Variants in TBC1D8 observed in about 807,000 individuals in gnomAD.
TBC1D8 encodes BUB2-like protein 1.
A neutral mutation model predicts 118.8 loss-of-function variants in TBC1D8; 65 were observed. That is an observed-to-expected ratio of 0.55 (90% CI 0.45 to 0.67). The LOEUF is 0.67. Ranked by LOEUF, TBC1D8 falls within the 30% of genes least tolerant of loss-of-function variation. TBC1D8 has a pLI of 0.00. For synonymous variants in TBC1D8, 566 were observed against 595.8 expected, an observed-to-expected ratio of 0.95 and a Z score of 0.73; for missense variants, 1,376 against 1,471.2, an observed-to-expected ratio of 0.94 and a Z score of 1.06.
rs144990163 is a variant in TBC1D8 at position 101,009,821 on chromosome 2, C to CATTTT, written c.3015+1107_3015+1108insAAAAT. The stretch of plus-strand genomic sequence containing the variant: ...TGACTTAAGTCCTATAAAAAAGGAG[C>CATTTT]TTTTTCTTTTTTTTTTTTGAGATGG... On this transcript the variant is annotated intron_variant, in intron 19 of 19. Coordinates refer to ENST00000409318, the MANE Select transcript of TBC1D8 (RefSeq NM_001330348.2). Among the ~76,000 whole-genome samples the CATTTT allele has an allele frequency of 3.7e-5, 5 of 134,192 alleles. 1 individual carries two copies. The highest frequency in any genetic ancestry group is 6.6e-5 in the Non-Finnish European group (4 of 60,872). The allele number at this position is 134,192 out of a possible 152,430, so 88.0% of individuals were successfully genotyped here. A position where few individuals can be genotyped will look rare whatever the true frequency, so the allele number is the denominator to read the frequency against.
intron 1 of TBC1D8, among the ~76,000 whole-genome samples, chr2:101,104,923 G>T (rs1055226032): frequency 4.0e-5 from 6 of 151,788 alleles, no homozygotes; most frequent in African/African-American, 1.5e-4. Flanking sequence ...CTGAATAGGA[G>T]GCTCAGGAGG....
intron 1 of TBC1D8, among the ~76,000 whole-genome samples, chr2:101,111,729 T>C (rs1677599059): frequency 6.6e-6 from 1 of 152,130 alleles, no homozygotes; most frequent in Non-Finnish European, 1.5e-5. Flanking sequence ...GAGAAATTGG[T>C]TTGAGTCTTC....
chr2:101,030,005 G>A, intron 11 of TBC1D8: 1 of 452,020 alleles, frequency 2.2e-6, no homozygotes, highest in Non-Finnish European at 3.9e-6. Flanking sequence ...GTGGCATGGG[G>A]GAAATAAAAA....
At chr2:101,056,735 C>G (rs888791089) in intron 3 of TBC1D8, among the ~76,000 whole-genome samples, 2 of 152,192 alleles carry the variant, frequency 1.3e-5, no homozygotes, top group African/African-American at 4.8e-5. Context: ...CCGGAGCAGA[C>G]AGGCAGCAGG....
At chr2:101,010,507 A>G (rs1257641138) in intron 19 of TBC1D8, among the ~76,000 whole-genome samples, 1 of 152,130 alleles carries the variant, frequency 6.6e-6, no homozygotes, top group African/African-American at 2.4e-5. Flanking sequence ...AGTATTTCCA[A>G]TTTAATCACT....
intron 2 of TBC1D8, among the ~76,000 whole-genome samples, chr2:101,065,885 G>A (rs1383384329): frequency 2.6e-5 from 4 of 152,110 alleles, no homozygotes; most frequent in Non-Finnish European, 4.4e-5. Flanking sequence ...AGAAGACACA[G>A]GAAAAACATG....
chr2:101,130,136 T>C (rs999310558), intron 1 of TBC1D8, among the ~76,000 whole-genome samples: 12 of 152,100 alleles, frequency 7.9e-5, no homozygotes, highest in East Asian at 1.9e-4. Context: ...GGTCCTGCCA[T>C]TGGGGTACTT....
chr2:101,030,601 A>T (rs1161337885), intron 11 of TBC1D8, among the ~76,000 whole-genome samples: 4 of 152,242 alleles, frequency 2.6e-5, no homozygotes, highest in African/African-American at 9.6e-5. Flanking sequence ...GAACACTGTG[A>T]GTTTCTTATT....
At chr2:101,138,203 C>T (rs1043936315) in intron 1 of TBC1D8, among the ~76,000 whole-genome samples, 2 of 152,202 alleles carry the variant, frequency 1.3e-5, no homozygotes. Flanking sequence ...GGCCCCACCT[C>T]CAACACTGGG....
At chr2:101,131,790 G>A (rs1460685039) in intron 1 of TBC1D8, among the ~76,000 whole-genome samples, 1 of 152,046 alleles carries the variant, frequency 6.6e-6, no homozygotes, top group Non-Finnish European at 1.5e-5. Flanking sequence ...ACTCCAGCCT[G>A]GGCGACAGAG....
intron 6 of TBC1D8, among the ~76,000 whole-genome samples, chr2:101,039,491 A>G (rs1269643953): frequency 6.6e-6 from 1 of 152,144 alleles, no homozygotes; most frequent in Non-Finnish European, 1.5e-5. Context: ...AGTTTTTCCA[A>G]AGAAGAATGC....
rs556682007 is a variant in TBC1D8 at position 101,094,562 on chromosome 2, C to T, written c.128-4198G>A. 2.6e-4 allele frequency among the ~76,000 whole-genome samples: 40 copies of T among 152,272 alleles called. No homozygotes were observed. The East Asian group carries it at 6.4e-3, about 24-fold the overall frequency. On this transcript the variant is annotated intron_variant, in intron 1 of 19. Coordinates refer to ENST00000409318, the MANE Select transcript of TBC1D8 (RefSeq NM_001330348.2). The stretch of plus-strand genomic sequence containing the variant: ...AAACCGGAGGGACTTTGGACAACAT[C>T]AAATGAAAGCAGCAGGGAGGGTGTG...
intron 2 of TBC1D8, among the ~76,000 whole-genome samples, chr2:101,071,704 TAA>T (rs1279085858): frequency 2.0e-5 from 3 of 152,210 alleles, no homozygotes; most frequent in Non-Finnish European, 4.4e-5. Flanking sequence ...ACTCTCATTT[TAA>T]AAGTTTGCAG....
chr2:101,123,428 C>G (rs983873797), intron 1 of TBC1D8, among the ~76,000 whole-genome samples: 2 of 152,162 alleles, frequency 1.3e-5, no homozygotes, highest in African/African-American at 2.4e-5. Flanking sequence ...GGCGACCGTT[C>G]TAGCAGTATT....
chr2:101,147,601 G>A (rs199537009), intron 1 of TBC1D8, among the ~76,000 whole-genome samples: 1 of 152,322 alleles, frequency 6.6e-6, no homozygotes, highest in East Asian at 1.9e-4. Flanking sequence ...GATGATTAGT[G>A]ATGCTGGGCA....
At chr2:101,134,901 C>T (rs1015439003) in intron 1 of TBC1D8, among the ~76,000 whole-genome samples, 8 of 152,272 alleles carry the variant, frequency 5.3e-5, no homozygotes, top group African/African-American at 7.2e-5. Flanking sequence ...TGGCCGGGCA[C>T]GGTGGCTCAC....
chr2:101,132,011 T>A (rs1029230748), intron 1 of TBC1D8, among the ~76,000 whole-genome samples: 3 of 152,184 alleles, frequency 2.0e-5, no homozygotes, highest in African/African-American at 7.2e-5. Flanking sequence ...AGACGGGTGC[T>A]TCCAGATTCA....
chr2:101,056,709 G>A (rs1227762115), intron 3 of TBC1D8, among the ~76,000 whole-genome samples: 2 of 152,156 alleles, frequency 1.3e-5, no homozygotes, highest in African/African-American at 2.4e-5. Context: ...GGCGTGGAGG[G>A]GTCTTTATGA....
rs1215870441 is a variant in TBC1D8, at chr2:101,007,929, T to G, written c.3360A>C (p.Pro1120=). 6.2e-7 allele frequency: 1 copy of G among 1,614,056 alleles called. No homozygotes were observed. Residue 1120 remains proline (P), a synonymous_variant, in exon 20 of 20, where the codon CCA becomes CCC. Coordinates refer to ENST00000409318, the MANE Select transcript of TBC1D8 (RefSeq NM_001330348.2). The stretch of plus-strand genomic sequence containing the variant: ...TTTCAAGTTTGGATTTCATGTCCAG[T>G]GGCTTTTCAAAAAAGTTGACTAATG... ...EQSLVNFFEK[P]LDMKSKLENA...
Sources: gnomAD v4.1 joint callset for allele counts (sites outside exome capture counted in the v4.1 genomes callset) on GRCh38, gnomAD v4.1.1 for gene constraint, MANE v1.5 for transcripts, NCBI Gene and HGNC (gene_info 2026-07-23, HGNC 2026-07-21) for gene names.